MYO16: variants seen among roughly 807,000 people sequenced by gnomAD.
MYO16 encodes the protein unconventional myosin-XVI.
A neutral mutation model predicts 205.3 loss-of-function variants in MYO16; 94 were observed. The ratio of observed to expected loss-of-function variants is 0.46; its 90% CI spans 0.39 to 0.54. The LOEUF is 0.54. Among genes scored for constraint, MYO16 ranks in the 20% least tolerant of loss-of-function variants. The pLI is 0.00. For missense variants in MYO16, 2,315 were observed against 2,387.5 expected, an observed-to-expected ratio of 0.97 and a Z score of 0.63; for synonymous variants, 988 against 954.0, an observed-to-expected ratio of 1.04 and a Z score of -0.66.
At chr13:109,033,839 A>G (rs760518698) in intron 23 of MYO16, among the ~76,000 whole-genome samples, 1 of 152,178 alleles carries the variant, frequency 6.6e-6, no homozygotes, top group Non-Finnish European at 1.5e-5. Context: ...GAATTGGGCT[A>G]TGAAAAGTGG....
intron 23 of MYO16, among the ~76,000 whole-genome samples, chr13:109,023,907 A>G (rs945034470): frequency 1.4e-5 from 2 of 139,334 alleles, no homozygotes; most frequent in Admixed American, 7.5e-5. Context: ...ATCAATACAT[A>G]TATAAGTATA....
At chr13:109,048,179 G>C (rs1276978703) in intron 24 of MYO16, among the ~76,000 whole-genome samples, 1 of 141,898 alleles carries the variant, frequency 7.0e-6, no homozygotes, top group Non-Finnish European at 1.6e-5. Flanking sequence ...GTGTGTGTGT[G>C]TGTGTGTGTG....
chr13:108,704,402 A>T (rs553099865), intron 2 of MYO16, among the ~76,000 whole-genome samples: 122 of 152,322 alleles, frequency 8.0e-4, no homozygotes, highest in African/African-American at 2.8e-3. Context: ...GATGGTTTCC[A>T]TGATGAGTTA....
At chr13:109,086,758 T>C (rs567773226) in intron 27 of MYO16, among the ~76,000 whole-genome samples, 4 of 152,290 alleles carry the variant, frequency 2.6e-5, no homozygotes, top group Non-Finnish European at 4.4e-5. Context: ...TGTTGCTAAT[T>C]ACCCCTCACT....
At chr13:108,990,244 T>C (rs1884784501) in intron 20 of MYO16, among the ~76,000 whole-genome samples, 1 of 151,696 alleles carries the variant, frequency 6.6e-6, no homozygotes, top group South Asian at 2.1e-4. Context: ...TGAATGAACA[T>C]CATTCCAGAC....
At chr13:109,057,639 G>T (rs1333411350) in intron 27 of MYO16, among the ~76,000 whole-genome samples, 1 of 152,096 alleles carries the variant, frequency 6.6e-6, no homozygotes, top group Non-Finnish European at 1.5e-5. Flanking sequence ...AACCTGTTAA[G>T]AGCTGATATT....
intron 23 of MYO16, among the ~76,000 whole-genome samples, chr13:109,028,237 A>G (rs1177633007): frequency 6.8e-6 from 1 of 147,570 alleles, no homozygotes; most frequent in Non-Finnish European, 1.5e-5. Context: ...AATTAAATAT[A>G]TAAACATATA....
chr13:108,517,957 CT>C, the MYO16 span, among the ~76,000 whole-genome samples: 1 of 152,122 alleles, frequency 6.6e-6, no homozygotes, highest in Admixed American at 6.5e-5. Flanking sequence ...GGCACTAAAC[CT>C]CTTCATGAGG....
intron 24 of MYO16, among the ~76,000 whole-genome samples, chr13:109,049,234 A>G (rs983973821): frequency 6.6e-6 from 1 of 152,116 alleles, no homozygotes; most frequent in Non-Finnish European, 1.5e-5. Flanking sequence ...CATGAAGAAA[A>G]TGGTTTGTGG....
At chr13:109,042,219 AC>A (rs1454527812) in intron 23 of MYO16, among the ~76,000 whole-genome samples, 1 of 152,236 alleles carries the variant, frequency 6.6e-6, no homozygotes, top group African/African-American at 2.4e-5. Flanking sequence ...GGAAAGTATC[AC>A]GGTTAAAAGA....
At chr13:108,792,948 T>C (rs1291454280) in intron 5 of MYO16, among the ~76,000 whole-genome samples, 3 of 152,242 alleles carry the variant, frequency 2.0e-5, no homozygotes, top group Non-Finnish European at 4.4e-5. Context: ...TTGAGTAATG[T>C]ATGTTGATGA....
At chr13:109,205,688 C>A (rs1880569639) in intron 34 of MYO16, among the ~76,000 whole-genome samples, 1 of 152,098 alleles carries the variant, frequency 6.6e-6, no homozygotes, top group Non-Finnish European at 1.5e-5. Context: ...AGAAGGGTGA[C>A]CCCAGCTACA....
At chr13:109,156,662 C>G (rs1218611703) in intron 32 of MYO16, among the ~76,000 whole-genome samples, 1 of 152,154 alleles carries the variant, frequency 6.6e-6, no homozygotes, top group East Asian at 1.9e-4. Flanking sequence ...TGGCTCCTTT[C>G]TCTCCCCTGC....
At chr13:109,117,664 T>C (rs1875792272) in intron 28 of MYO16, among the ~76,000 whole-genome samples, 1 of 151,896 alleles carries the variant, frequency 6.6e-6, no homozygotes, top group Non-Finnish European at 1.5e-5. Flanking sequence ...ATCAAAACTC[T>C]AGTAATGGAG....
chr13:108,943,469 T>G (rs769429416), intron 16 of MYO16, among the ~76,000 whole-genome samples: 56 of 152,236 alleles, frequency 3.7e-4, no homozygotes, highest in Non-Finnish European at 6.9e-4. Context: ...TTTTTTTTAT[T>G]TTTTTTGAGA....
intron 4 of MYO16, among the ~76,000 whole-genome samples, chr13:108,741,455 G>A (rs1043794958): frequency 6.6e-6 from 1 of 152,042 alleles, no homozygotes; most frequent in Non-Finnish European, 1.5e-5. Flanking sequence ...GCTCAAAAAT[G>A]TGGAAAAAAT....
chr13:108,718,967 A>G (rs191529928), intron 3 of MYO16, among the ~76,000 whole-genome samples: 526 of 152,254 alleles, frequency 3.5e-3, no homozygotes, highest in African/African-American at 0.012. Context: ...TTTAAATGCT[A>G]CTGGAAACCC....
chr13:108,927,171 A>G (rs1317308150), intron 16 of MYO16, among the ~76,000 whole-genome samples: 1 of 152,178 alleles, frequency 6.6e-6, no homozygotes, highest in Non-Finnish European at 1.5e-5. Flanking sequence ...CACAGGAAAA[A>G]ACACACTTAG....
intron 31 of MYO16, among the ~76,000 whole-genome samples, chr13:109,133,117 T>C (rs1876616230): frequency 6.6e-6 from 1 of 152,236 alleles, no homozygotes; most frequent in African/African-American, 2.4e-5. Context: ...TTGCGACATA[T>C]GACAGCTCAG....
Sources: allele counts gnomAD v4.1 joint callset (sites outside exome capture counted in the v4.1 genomes callset), GRCh38; gene constraint gnomAD v4.1.1; transcripts MANE v1.5; gene names NCBI Gene and HGNC (gene_info 2026-07-23, HGNC 2026-07-21).